DENND4A: variants seen among roughly 807,000 people sequenced by gnomAD.
DENND4A encodes the protein DENN domain containing 4A.
Under a neutral mutation model 199.3 loss-of-function variants are expected in DENND4A, and 70 were observed. The observed-to-expected ratio is 0.35, with a 90% CI of 0.29 to 0.43. The LOEUF is 0.43. Among genes scored for constraint, DENND4A ranks in the 20% least tolerant of loss-of-function variants. The pLI is 1.00. For synonymous variants in DENND4A, 686 were observed against 766.9 expected (o/e 0.89, Z 1.74); for missense variants, 1,723 against 2,255.8 (o/e 0.76, Z 4.78).
At chr15:65,705,720 TAATC>T in intron 15 of DENND4A, among the ~76,000 whole-genome samples, 1 of 152,174 alleles carries the variant, frequency 6.6e-6, no homozygotes, top group South Asian at 2.1e-4. Flanking sequence ...AAGGCTATAT[TAATC>T]AATCTGTGTA....
chr15:65,672,514 A>T (rs2076245847), intron 24 of DENND4A, among the ~76,000 whole-genome samples: 1 of 152,026 alleles, frequency 6.6e-6, no homozygotes, highest in Non-Finnish European at 1.5e-5. Context: ...GCTTATAGTC[A>T]CAGCTACTTG....
At chr15:65,768,931 T>A (rs1596656383) in intron 1 of DENND4A, among the ~76,000 whole-genome samples, 1 of 151,630 alleles carries the variant, frequency 6.6e-6, no homozygotes, top group African/African-American at 2.4e-5. Context: ...GAGGCAGAGG[T>A]TGCAGTGAGC....
chr15:65,688,157 TTC>T (rs1567005914), intron 23 of DENND4A, among the ~76,000 whole-genome samples: 2 of 152,236 alleles, frequency 1.3e-5, no homozygotes, highest in Admixed American at 6.5e-5. Context: ...GTCATCTCCA[TTC>T]TGTTATTTAA....
intron 4 of DENND4A, among the ~76,000 whole-genome samples, chr15:65,742,970 A>G (rs2140491977): frequency 6.6e-6 from 1 of 152,344 alleles, no homozygotes; most frequent in South Asian, 2.1e-4. Flanking sequence ...TCCTTACACA[A>G]TCCATGCACA....
intron 14 of DENND4A, 67 bp downstream of exon 14, chr15:65,715,411 A>C (rs747401628): frequency 7.1e-7 from 1 of 1,416,220 alleles, no homozygotes; most frequent in Non-Finnish European, 9.5e-7. Context: ...CATAGAAACT[A>C]TAACTCATAA....
intron 11 of DENND4A, among the ~76,000 whole-genome samples, chr15:65,724,882 G>A (rs2075757041): frequency 6.6e-6 from 1 of 152,158 alleles, no homozygotes. Flanking sequence ...TGTCTTGCTA[G>A]ACTTAATTAT....
At chr15:65,720,631 C>T (rs148325281) in intron 12 of DENND4A, among the ~76,000 whole-genome samples, 9 of 146,408 alleles carry the variant, frequency 6.1e-5, no homozygotes, top group African/African-American at 1.7e-4. Context: ...AGGCTGGTCT[C>T]GAACTCCTGA....
chr15:65,782,999 GA>G (rs531997308), intron 1 of DENND4A, among the ~76,000 whole-genome samples: 2 of 143,332 alleles, frequency 1.4e-5, no homozygotes, highest in South Asian at 4.3e-4. Flanking sequence ...AAGTCAGGAG[GA>G]AAAAAAAACA....
At chr15:65,750,709 TTTTC>T (rs2076537640) in intron 4 of DENND4A, among the ~76,000 whole-genome samples, 2 of 152,052 alleles carry the variant, frequency 1.3e-5, no homozygotes, top group African/African-American at 2.4e-5. Context: ...CGCCCTCCAA[TTTTC>T]TTTGAGTATA....
chr15:65,737,711 C>T lies in DENND4A; in HGVS notation c.1036G>A (p.Glu346Lys). 6.4e-7 allele frequency: 1 copy of T among 1,567,680 alleles called. No individual in the cohort carries two copies. The highest frequency in any genetic ancestry group is 8.7e-7 in the Non-Finnish European group (1 of 1,156,066). ...SISGPHVLPI[E>K]KHISHFMHKV... ...AACCAAGAACACTTAACTTACTTCT[C>T]AATTGGAAGGACATGAGGCCCAGAG... The change falls in exon 7 of 33, where the codon GAG becomes AAG. Residue 346 changes from glutamate to lysine, a missense_variant. Glu to Lys is a moderately conservative substitution (Grantham distance 56). Coordinates refer to ENST00000443035, the MANE Select transcript of DENND4A (RefSeq NM_001320835.1).
intron 32 of DENND4A, among the ~76,000 whole-genome samples, chr15:65,662,881 T>C (rs1005220962): frequency 3.3e-5 from 5 of 151,934 alleles, no homozygotes; most frequent in Non-Finnish European, 7.4e-5. Context: ...AGCTTGGAGG[T>C]CCGGAATTTT....
In DENND4A at chr15:65,667,629, T is replaced by C. The variant is rs773110408; in HGVS notation, c.5061A>G (p.Val1687=). ...CCAATAAGCTTTCAAGTTCTTTCCA[T>C]ACCACTAAAGGACTAAGATACGGAA... The part of the protein sequence containing the change: ...VTVPYLSPLV[V]WKELESLLEN... The change falls in exon 29 of 33, where the codon GTA becomes GTG. Residue 1687 remains valine, a synonymous_variant. Coordinates refer to ENST00000443035, the MANE Select transcript of DENND4A (RefSeq NM_001320835.1). 2.5e-6 allele frequency: 4 copies of C among 1,613,850 alleles called. No homozygotes were observed. The highest frequency in any genetic ancestry group is 1.1e-5 in the South Asian group (1 of 91,090).
chr15:65,734,611 C>G (rs1193684042), intron 7 of DENND4A, among the ~76,000 whole-genome samples: 1 of 152,052 alleles, frequency 6.6e-6, no homozygotes, highest in Non-Finnish European at 1.5e-5. Flanking sequence ...GAGGGGCAAC[C>G]CACCCCTTCA....
At chr15:65,763,707 G>A (rs1315912395) in intron 1 of DENND4A, among the ~76,000 whole-genome samples, 3 of 146,970 alleles carry the variant, frequency 2.0e-5, no homozygotes, top group South Asian at 4.3e-4. Flanking sequence ...AAAAAAATTC[G>A]ATAGTGTCTT....
chr15:65,745,634 A>G (rs2076367542), intron 4 of DENND4A, among the ~76,000 whole-genome samples: 1 of 152,196 alleles, frequency 6.6e-6, no homozygotes, highest in African/African-American at 2.4e-5. Flanking sequence ...TCTCTATTGG[A>G]AAGTCCCAAC....
chr15:65,664,138 A>G (rs956402231), intron 32 of DENND4A, among the ~76,000 whole-genome samples, 192 bp downstream of exon 32: 4 of 152,160 alleles, frequency 2.6e-5, no homozygotes, highest in Non-Finnish European at 5.9e-5. Context: ...TCATCTCACC[A>G]AAAAGAAACC....
chr15:65,722,657 A>G (rs1176558550), intron 12 of DENND4A, among the ~76,000 whole-genome samples, 191 bp downstream of exon 12: 1 of 85,114 alleles, frequency 1.2e-5, no homozygotes, highest in Admixed American at 1.1e-4. Flanking sequence ...TCCGTCTCGA[A>G]AAAAAAAAAA....
intron 4 of DENND4A, among the ~76,000 whole-genome samples, chr15:65,748,619 CT>C (rs2076475856): frequency 1.5e-5 from 2 of 136,062 alleles, no homozygotes; most frequent in East Asian, 7.8e-4. Context: ...AAGATCCTGT[CT>C]CTAAAAAAAA....
intron 1 of DENND4A, among the ~76,000 whole-genome samples, chr15:65,778,978 T>A (rs1321266829): frequency 6.6e-6 from 1 of 151,756 alleles, no homozygotes; most frequent in African/African-American, 2.4e-5. Context: ...AAAAAGGATT[T>A]TAGGGCCCCA....
Sources: gnomAD v4.1 joint callset for allele counts (sites outside exome capture counted in the v4.1 genomes callset) on GRCh38, gnomAD v4.1.1 for gene constraint, MANE v1.5 for transcripts, NCBI Gene and HGNC (gene_info 2026-07-23, HGNC 2026-07-21) for gene names.